CDKAL1: variants seen among roughly 807,000 people sequenced by gnomAD.
CDKAL1 encodes threonylcarbamoyladenosine tRNA methylthiotransferase.
In CDKAL1, 32 loss-of-function variants were observed where a neutral mutation model predicts 68.2. That is an observed-to-expected ratio of 0.47 (90% CI 0.35 to 0.63). The LOEUF (loss-of-function observed/expected upper bound fraction) is 0.63, where lower values mean the gene tolerates loss of function less well. Among genes scored for constraint, CDKAL1 ranks in the 30% least tolerant of loss-of-function variants. The pLI, the probability that CDKAL1 is intolerant of heterozygous loss-of-function variation, is 0.00. For synonymous variants in CDKAL1, 234 were observed against 244.3 expected (o/e 0.96, Z 0.39); for missense variants, 606 against 696.7 (o/e 0.87, Z 1.47).
intron 5 of CDKAL1, among the ~76,000 whole-genome samples, chr6:20,673,601 C>T (rs1769952252): frequency 6.6e-6 from 1 of 152,118 alleles, no homozygotes; most frequent in South Asian, 2.1e-4. Flanking sequence ...CTTGTAACTC[C>T]CATAATTCCC....
intron 10 of CDKAL1, among the ~76,000 whole-genome samples, chr6:20,972,059 G>A (rs762962624): frequency 6.6e-6 from 1 of 152,174 alleles, no homozygotes; most frequent in Non-Finnish European, 1.5e-5. Flanking sequence ...TTCTGTTTCT[G>A]TAGTGAGCCT....
At position 21,231,025 on chromosome 6, in the gene CDKAL1, A is replaced by G. The variant is rs1329610766; in HGVS notation, c.1726A>G (p.Lys576Glu). 6 of 1,604,114 alleles carry G rather than the reference A, an allele frequency of 3.7e-6. No individual in the cohort carries two copies. Among genetic ancestry groups the G allele is most frequent in the Admixed American group, 1.7e-5 (1 of 59,232 alleles). Residue 576 changes from lysine to glutamate, a missense_variant, in exon 16 of 16, where the codon AAG (lysine) becomes GAG (glutamate). By Grantham distance (56) the Lys-to-Glu change is moderately conservative (BLOSUM62 1). Coordinates refer to ENST00000274695, the MANE Select transcript of CDKAL1 (RefSeq NM_017774.3). ...LLGLLFAFFV[K>E]VYN ...GGGTCTTCTTTTTGCTTTTTTTGTC[A>G]AGGTCTATAATTAGAATACAACTAA...
chr6:21,138,390 A>G (rs1422615925), intron 13 of CDKAL1, among the ~76,000 whole-genome samples: 2 of 152,354 alleles, frequency 1.3e-5, no homozygotes, highest in Admixed American at 6.5e-5. Context: ...CAAATGTGCT[A>G]AAACATCTAG....
intron 4 of CDKAL1, among the ~76,000 whole-genome samples, chr6:20,598,674 T>C: frequency 6.6e-6 from 1 of 152,330 alleles, no homozygotes; most frequent in East Asian, 1.9e-4. Context: ...TTATCAGCTC[T>C]TAATAATTAA....
chr6:20,921,638 A>G (rs990052238), intron 9 of CDKAL1, among the ~76,000 whole-genome samples: 5 of 152,138 alleles, frequency 3.3e-5, no homozygotes, highest in East Asian at 1.9e-4. Flanking sequence ...CCTAGTTTCT[A>G]TCAACCCTCA....
intron 4 of CDKAL1, among the ~76,000 whole-genome samples, chr6:20,595,577 CT>C (rs1765784590): frequency 6.6e-6 from 1 of 151,872 alleles, no homozygotes; most frequent in Non-Finnish European, 1.5e-5. Flanking sequence ...TTCCTCTCAC[CT>C]TTTTTCAGGG....
At chr6:20,648,126 G>A (rs763165468) in intron 4 of CDKAL1, among the ~76,000 whole-genome samples, 2 of 149,200 alleles carry the variant, frequency 1.3e-5, no homozygotes, top group Non-Finnish European at 3.0e-5. Context: ...AATACTGGGG[G>A]AATTTTTTTT....
rs115229435 is a variant in CDKAL1, at chr6:20,689,283, G to A, written c.371+39906G>A. On this transcript the variant is annotated intron_variant, in intron 5 of 15. Coordinates refer to ENST00000274695, the MANE Select transcript of CDKAL1 (RefSeq NM_017774.3). ...GCCCCAGTGACTGAGTCATCCTGGA[G>A]TTTTTAACTTTACTCTAAAAGTTGT... 5.3e-3 allele frequency among the ~76,000 whole-genome samples: 809 copies of A among 152,290 alleles called. 9 individuals are homozygous for A. Among genetic ancestry groups the A allele is most frequent in the African/African-American group, 0.018 (761 of 41,542 alleles).
chr6:20,966,041 C>T (rs73735038), intron 10 of CDKAL1, among the ~76,000 whole-genome samples: 14,570 of 152,160 alleles, frequency 0.096, 1,197 homozygotes, highest in African/African-American at 0.23. Context: ...AAATGAAATC[C>T]TCATATTTTA....
At chr6:20,871,467 G>A (rs553123334) in intron 9 of CDKAL1, among the ~76,000 whole-genome samples, 61 of 152,216 alleles carry the variant, frequency 4.0e-4, no homozygotes, top group Admixed American at 2.5e-3. Flanking sequence ...AAATGAAAAC[G>A]AAGTTATGAT....
chr6:21,118,728 C>G (rs753812142), intron 13 of CDKAL1, among the ~76,000 whole-genome samples: 3 of 152,200 alleles, frequency 2.0e-5, no homozygotes, highest in Non-Finnish European at 4.4e-5. Flanking sequence ...ATTCAACACT[C>G]TGCCTTTGGG....
chr6:20,923,858 A>G (rs1485172276), intron 9 of CDKAL1, among the ~76,000 whole-genome samples: 1 of 152,158 alleles, frequency 6.6e-6, no homozygotes, highest in African/African-American at 2.4e-5. Flanking sequence ...CAAAAATACA[A>G]AAGATTATCC....
At chr6:21,117,326 G>A (rs1774467391) in intron 13 of CDKAL1, among the ~76,000 whole-genome samples, 1 of 150,972 alleles carries the variant, frequency 6.6e-6, no homozygotes, top group Non-Finnish European at 1.5e-5. Context: ...GCAATATGTG[G>A]GACATATTTA....
intron 11 of CDKAL1, among the ~76,000 whole-genome samples, chr6:21,003,371 T>TATATATATATATATATATACACAC: frequency 1.8e-4 from 9 of 49,288 alleles, no homozygotes; most frequent in African/African-American, 4.4e-4. Flanking sequence ...TATATATATA[T>TATATATATATATATATATACACAC]ACACACACAC....
At chr6:20,760,352 A>G (rs960328411) in intron 7 of CDKAL1, among the ~76,000 whole-genome samples, 1 of 152,184 alleles carries the variant, frequency 6.6e-6, no homozygotes, top group Non-Finnish European at 1.5e-5. Context: ...GATAATTTGA[A>G]TGTTTTTACA....
At chr6:20,586,776 A>T (rs1434141655) in intron 4 of CDKAL1, among the ~76,000 whole-genome samples, 1 of 152,100 alleles carries the variant, frequency 6.6e-6, no homozygotes, top group Non-Finnish European at 1.5e-5. Context: ...ATTTAAATGT[A>T]AATATCCACA....
chr6:20,833,539 G>A (rs550087189), intron 8 of CDKAL1, among the ~76,000 whole-genome samples: 31 of 152,020 alleles, frequency 2.0e-4, no homozygotes, highest in African/African-American at 7.2e-4. Context: ...GCTCTTTATG[G>A]TCTTGCAACC....
chr6:21,168,108 G>T (rs73387929), intron 13 of CDKAL1, among the ~76,000 whole-genome samples: 1 of 152,318 alleles, frequency 6.6e-6, no homozygotes, highest in East Asian at 1.9e-4. Context: ...CATGCTGACC[G>T]GTGGCTTGAG....
chr6:21,042,116 G>C (rs1029013699), intron 11 of CDKAL1, among the ~76,000 whole-genome samples: 2 of 152,050 alleles, frequency 1.3e-5, no homozygotes, highest in Admixed American at 6.6e-5. Flanking sequence ...TTAACTACCA[G>C]GGAAAATTTC....
Sources: allele counts gnomAD v4.1 joint callset (sites outside exome capture counted in the v4.1 genomes callset), GRCh38; gene constraint gnomAD v4.1.1; transcripts MANE v1.5; gene names NCBI Gene and HGNC (gene_info 2026-07-23, HGNC 2026-07-21).